DLG2: variants seen among roughly 807,000 people sequenced by gnomAD.
DLG2 encodes discs large MAGUK scaffold protein 2.
A neutral mutation model predicts 132.5 loss-of-function variants in DLG2; 45 were observed. The ratio of observed to expected loss-of-function variants is 0.34; its 90% CI spans 0.27 to 0.44. The LOEUF (loss-of-function observed/expected upper bound fraction) is 0.44. Ranked by LOEUF, DLG2 falls within the 20% of genes least tolerant of loss-of-function variation. The pLI is 1.00. For synonymous variants in DLG2, 424 were observed against 419.6 expected, an observed-to-expected ratio of 1.01 and a Z score of -0.13; for missense variants, 1,045 against 1,196.9, an observed-to-expected ratio of 0.87 and a Z score of 1.87.
At chr11:84,373,256 A>AAAAAAC (rs2098714303) in intron 7 of DLG2, among the ~76,000 whole-genome samples, 1 of 85,558 alleles carries the variant, frequency 1.2e-5, no homozygotes, top group Admixed American at 1.1e-4. Context: ...AGTCAAAAAA[A>AAAAAAC]AAAAAAAACA....
intron 26 of DLG2, chr11:83,462,298 T>C: frequency 1.8e-6 from 1 of 553,172 alleles, no homozygotes; most frequent in South Asian, 2.4e-5. Flanking sequence ...CAAAGGGCAG[T>C]CTCTTGGTCC....
chr11:84,512,128 A>G (rs2099258729), intron 7 of DLG2, among the ~76,000 whole-genome samples: 1 of 152,150 alleles, frequency 6.6e-6, no homozygotes, highest in Non-Finnish European at 1.5e-5. Flanking sequence ...TTTTACATAT[A>G]AGCAACAGAC....
At chr11:85,500,549 A>T (rs1443989364) in intron 3 of DLG2, among the ~76,000 whole-genome samples, 6 of 30,650 alleles carry the variant, frequency 2.0e-4, no homozygotes, top group African/African-American at 7.5e-4. Flanking sequence ...AATAAAAAAA[A>T]TAAAAATAAA....
At chr11:83,782,251 CTACTA>C (rs2094859053) in intron 18 of DLG2, among the ~76,000 whole-genome samples, 1 of 152,168 alleles carries the variant, frequency 6.6e-6, no homozygotes, top group African/African-American at 2.4e-5. Context: ...TCTTAAGCAC[CTACTA>C]TTAATATATG....
At chr11:85,220,315 C>A (rs1416378665) in intron 4 of DLG2, among the ~76,000 whole-genome samples, 2 of 151,814 alleles carry the variant, frequency 1.3e-5, no homozygotes, top group African/African-American at 4.8e-5. Flanking sequence ...ATTTAAGCAT[C>A]TAAAGAGGTA....
At chr11:83,775,982 C>T (rs1411518367) in intron 18 of DLG2, among the ~76,000 whole-genome samples, 2 of 152,142 alleles carry the variant, frequency 1.3e-5, no homozygotes, top group Admixed American at 1.3e-4. Flanking sequence ...GTCCCAGCTA[C>T]TCGGGAGGCT....
chr11:85,510,495 A>T (rs1401628616), intron 3 of DLG2, among the ~76,000 whole-genome samples: 1 of 152,200 alleles, frequency 6.6e-6, no homozygotes, highest in African/African-American at 2.4e-5. Flanking sequence ...AATATCCAGA[A>T]TCTACAATGA....
At chr11:83,905,448 C>T (rs577139554) in intron 15 of DLG2, among the ~76,000 whole-genome samples, 1 of 152,102 alleles carries the variant, frequency 6.6e-6, no homozygotes, top group Non-Finnish European at 1.5e-5. Flanking sequence ...GCACTTATCA[C>T]AATTTATGTT....
At chr11:85,521,051 G>T (rs1179676526) in intron 3 of DLG2, among the ~76,000 whole-genome samples, 1 of 152,182 alleles carries the variant, frequency 6.6e-6, no homozygotes, top group African/African-American at 2.4e-5. Flanking sequence ...GCATAGCAAA[G>T]AAACTAATAA....
At chr11:84,538,808 A>T (rs1222073867) in intron 6 of DLG2, among the ~76,000 whole-genome samples, 1 of 152,260 alleles carries the variant, frequency 6.6e-6, no homozygotes, top group African/African-American at 2.4e-5. Context: ...TACTCTGCCC[A>T]GTGCCAACCA....
rs566893721 is a variant in DLG2 at position 85,157,089 on chromosome 11, G to A, written c.187-2438C>T. Among the ~76,000 whole-genome samples, 11 of 152,228 alleles carry A rather than the reference G, an allele frequency of 7.2e-5. No individual in the cohort carries two copies. In the South Asian group the frequency reaches 8.3e-4, roughly 12 times the overall value. On this transcript the variant is annotated intron_variant, in intron 4 of 27. Transcript: ENST00000376104. ...GGATATAAAGCAGGCAGAAAAACAC[G>A]AAAAGATTAGACTGGCCTAGCCTCC...
intron 3 of DLG2, among the ~76,000 whole-genome samples, chr11:85,311,312 C>T (rs1415946690): frequency 1.3e-5 from 2 of 152,162 alleles, no homozygotes; most frequent in African/African-American, 4.8e-5. Context: ...AAACTAAGCA[C>T]TTGCCATTTA....
chr11:84,253,693 T>C (rs2097422069), intron 7 of DLG2, among the ~76,000 whole-genome samples: 1 of 152,230 alleles, frequency 6.6e-6, no homozygotes, highest in Non-Finnish European at 1.5e-5. Flanking sequence ...CATAAGCATA[T>C]ATATCCTCAT....
intron 7 of DLG2, among the ~76,000 whole-genome samples, chr11:84,358,776 C>T (rs2098632984): frequency 6.6e-6 from 1 of 151,884 alleles, no homozygotes; most frequent in Non-Finnish European, 1.5e-5. Context: ...AGGTAATAAT[C>T]ATTTTGCTGT....
At chr11:85,217,835 A>G (rs2082721989) in intron 4 of DLG2, among the ~76,000 whole-genome samples, 1 of 152,174 alleles carries the variant, frequency 6.6e-6, no homozygotes, top group Non-Finnish European at 1.5e-5. Context: ...CTTTGTCAAA[A>G]ATTCTTACCA....
At chr11:83,684,174 A>G (rs1402092522) in intron 18 of DLG2, among the ~76,000 whole-genome samples, 1 of 152,098 alleles carries the variant, frequency 6.6e-6, no homozygotes, top group Non-Finnish European at 1.5e-5. Flanking sequence ...TTCCACTGCT[A>G]ACTCCTACCG....
chr11:83,787,831 G>T (rs1335400882), intron 17 of DLG2, among the ~76,000 whole-genome samples: 1 of 152,104 alleles, frequency 6.6e-6, no homozygotes, highest in Non-Finnish European at 1.5e-5. Flanking sequence ...TTAATAAGAA[G>T]AAAATGCTAA....
chr11:85,113,237 A>C (rs1490700652), intron 5 of DLG2, among the ~76,000 whole-genome samples: 1 of 152,068 alleles, frequency 6.6e-6, no homozygotes, highest in Non-Finnish European at 1.5e-5. Context: ...TGCTCTTGAC[A>C]GTCACAACTG....
At chr11:83,583,816 T>C (rs750920509) in intron 19 of DLG2, among the ~76,000 whole-genome samples, 2 of 152,194 alleles carry the variant, frequency 1.3e-5, no homozygotes, top group Non-Finnish European at 2.9e-5. Context: ...CTTTATATAC[T>C]GAAAGAAAAT....
Sources: allele counts gnomAD v4.1 joint callset (sites outside exome capture counted in the v4.1 genomes callset), GRCh38; gene constraint gnomAD v4.1.1; transcripts MANE v1.5; gene names NCBI Gene and HGNC (gene_info 2026-07-23, HGNC 2026-07-21).